The following STC2 variants were observed in gnomAD, a reference collection of about 807,000 sequenced individuals.
STC2 encodes the protein stanniocalcin 2, also known as stanniocalcin-2.
A neutral mutation model predicts 22.7 loss-of-function variants in STC2; 7 were observed. The observed-to-expected ratio is 0.31, with a 90% CI of 0.18 to 0.58. The LOEUF is 0.58. Among genes scored for constraint, STC2 ranks in the 20% least tolerant of loss-of-function variants. The pLI is 0.89. For synonymous variants in STC2, 158 were observed against 163.4 expected, an observed-to-expected ratio of 0.97 and a Z score of 0.25; for missense variants, 336 against 406.2, an observed-to-expected ratio of 0.83 and a Z score of 1.48.
In STC2 at chr5:173,318,321, C is replaced by T. The variant is rs1012171902; in HGVS notation, c.507-72G>A. The T allele has an allele frequency of 9.8e-6, 13 of 1,326,592 alleles. No individual in the cohort carries two copies. The African/African-American group carries it at 1.1e-4, about 11-fold the overall frequency. The allele number at this position is 1,326,592 out of a possible 1,614,324, so 82.2% of individuals were successfully genotyped here. A position where few individuals can be genotyped will look rare whatever the true frequency, so the allele number is the denominator to read the frequency against. ...GAGAGGCTGGGAATGGAGCAAGTCC[C>T]GAATGGACCACAGAGGGCAGGGGCA... is the stretch of plus-strand genomic sequence containing the variant. On this transcript the variant is annotated intron_variant, in intron 3 of 3. Coordinates refer to ENST00000265087, the MANE Select transcript of STC2 (RefSeq NM_003714.3).
chr5:173,324,134 C>T (rs1762518742), intron 2 of STC2: 1 of 152,704 alleles, frequency 6.5e-6, no homozygotes, highest in Non-Finnish European at 1.5e-5. Context: ...CACTGGCGGC[C>T]CCTCCCCCAC....
Position 173,321,390 on chromosome 5 carries a change from G to A in STC2, c.506+1829C>T, listed in dbSNP as rs537418875. Among the ~76,000 whole-genome samples, 7 of 152,328 alleles carry A rather than the reference G, an allele frequency of 4.6e-5. No homozygotes were observed. The East Asian group carries it at 9.6e-4, about 21-fold the overall frequency. On this transcript the variant is annotated intron_variant, in intron 3 of 3. Coordinates refer to ENST00000265087, the MANE Select transcript of STC2 (RefSeq NM_003714.3). ...GGCCAGCAAACTCTCTCTAATGGGG[G>A]ACAGGGCTAGAGGCGAGTGAAGCTC...
At chr5:173,327,894 G>A (rs555619466) in intron 1 of STC2, 149 bp downstream of exon 1, 3 of 1,049,294 alleles carry the variant, frequency 2.9e-6, no homozygotes, top group Non-Finnish European at 3.8e-6. Context: ...GCCTTGCCTC[G>A]CGCTTCCCTT....
chr5:173,323,379 G>A lies in STC2; in HGVS notation c.346C>T (p.His116Tyr), dbSNP rs779357671. 6.2e-7 allele frequency: 1 copy of A among 1,612,512 alleles called. No homozygotes were observed. ...TTCCGGCTTATGCAGCCGAACCTGT[G>A]CCGCAGAGCGTGGGCCTTACATTTC... ...ALKCKAHALR[H>Y]RFGCISRKCP... Residue 116 changes from histidine to tyrosine, a missense_variant, in exon 3 of 4, where the codon CAC becomes TAC. This residue lies in a region of STC2 where 22 missense variants were observed against 52.0 expected (regional missense o/e 0.42). Transcript: ENST00000265087. This position sits in a 1 kb window ranked among gnomAD's most constrained non-coding sequence, Gnocchi z 5.4.
chr5:173,318,266 A>C lies in STC2; in HGVS notation c.507-17T>G. ...ACGTAGGGTCTAAAGATTGAAAGCA[A>C]AGAGAGAGAGAGAGAGAGAGAGAGA... On this transcript the variant is annotated splice_polypyrimidine_tract_variant and intron_variant, in intron 3 of 3. Transcript: ENST00000265087. The C allele has an allele frequency of 1.6e-6, 2 of 1,234,376 alleles. No homozygotes were observed. The allele number at this position is 1,234,376 out of a possible 1,614,324, so 76.5% of individuals were successfully genotyped here. A position where few individuals can be genotyped will look rare whatever the true frequency, so the allele number is the denominator to read the frequency against.
At position 173,317,577 on chromosome 5, in the gene STC2, T is replaced by C. The variant is rs1054483286; in HGVS notation, c.*270A>G. ...GGCCGACACCCACTGACTCCACAGATGGAAAGAAGACAAAGGTACGAGGAT... is the reference window on the plus strand; with the variant it reads ...GGCCGACACCCACTGACTCCACAGACGGAAAGAAGACAAAGGTACGAGGAT... On this transcript the variant is annotated 3_prime_UTR_variant, in exon 4 of 4. Transcript: ENST00000265087. 5 of 267,882 alleles carry C rather than the reference T, an allele frequency of 1.9e-5. No individual in the cohort carries two copies. The highest frequency in any genetic ancestry group is 1.0e-3 in the Middle Eastern group (1 of 966). 16.6% of individuals were successfully genotyped at this position (267,882 alleles called of 1,614,324 possible).
At position 173,323,431 on chromosome 5, in the gene STC2, C is replaced by T. The variant is rs1401303990; in HGVS notation, c.295-1G>A. On this transcript the variant is annotated splice_acceptor_variant, in intron 2 of 3. Coordinates refer to ENST00000265087, the MANE Select transcript of STC2 (RefSeq NM_003714.3). LOFTEE classifies it high-confidence loss of function. The surrounding 1 kb of genome is among the most constrained non-coding windows in gnomAD (Gnocchi z 5.4). ...AGGCGTCTTTGATGAATGACTTGCC[C>T]TGAGAACACACAGGCCGGGGAAGGG... 2 of 1,607,786 alleles carry T rather than the reference C, an allele frequency of 1.2e-6. No homozygotes were observed.
intron 3 of STC2, among the ~76,000 whole-genome samples, chr5:173,320,232 T>TCTC (rs1762467961): frequency 6.6e-6 from 1 of 151,862 alleles, no homozygotes; most frequent in African/African-American, 2.4e-5. Context: ...GCAGACTGTC[T>TCTC]TTCGCCTTCC....
rs1179576917 is a variant in STC2, at chr5:173,325,303, G to T, written c.294+565C>A. Among the ~76,000 whole-genome samples the T allele has an allele frequency of 3.9e-5, 6 of 152,182 alleles. No homozygotes were observed. Among genetic ancestry groups the T allele is most frequent in the East Asian group, 3.9e-4 (2 of 5,186 alleles). ...TTCCCCTTGGGACCCTGGGATAACC[G>T]AAGTGGGTCAGGCCCTGACTATATT... On this transcript the variant is annotated intron_variant, in intron 2 of 3. Transcript: ENST00000265087. This position sits in a 1 kb window ranked among gnomAD's most constrained non-coding sequence, Gnocchi z 4.7.
chr5:173,323,506 C>T lies in STC2; in HGVS notation c.295-76G>A, dbSNP rs1762510964. ...CTCGTTACATGCTTGGACATTTCAG[C>T]CCTTCTTGGGCTTACACAGGATATT... On this transcript the variant is annotated intron_variant, in intron 2 of 3. Transcript: ENST00000265087. This position sits in a 1 kb window ranked among gnomAD's most constrained non-coding sequence, Gnocchi z 5.4. 17 of 1,386,562 alleles carry T rather than the reference C, an allele frequency of 1.2e-5. No individual in the cohort carries two copies. The highest frequency in any genetic ancestry group is 1.7e-5 in the Non-Finnish European group (17 of 1,006,576). The allele number at this position is 1,386,562 out of a possible 1,614,324, so 85.9% of individuals were successfully genotyped here. A position where few individuals can be genotyped will look rare whatever the true frequency, so the allele number is the denominator to read the frequency against.
chr5:173,324,320 T>C (rs1762520271), intron 2 of STC2: 1 of 152,318 alleles, frequency 6.6e-6, no homozygotes, highest in Admixed American at 6.5e-5. Context: ...CATTGTGGGA[T>C]GCCTACCCGG....
In STC2 at chr5:173,316,005, G is replaced by C. The variant is rs929780868; in HGVS notation, c.*1842C>G. The C allele has an allele frequency of 6.6e-6, 1 of 152,240 alleles. No homozygotes were observed. The highest frequency in any genetic ancestry group is 1.5e-5 in the Non-Finnish European group (1 of 68,068). The allele number at this position is 152,240 out of a possible 1,614,324, so 9.4% of individuals were successfully genotyped here. A position where few individuals can be genotyped will look rare whatever the true frequency, so the allele number is the denominator to read the frequency against. Reference sequence around the variant, plus strand: ...AATACTAGCTGTGTTTTGGTTGAAGGCATTCCCCAGGAACAAGTCATTTTA... The same window carrying C: ...AATACTAGCTGTGTTTTGGTTGAAGCCATTCCCCAGGAACAAGTCATTTTA... On this transcript the variant is annotated 3_prime_UTR_variant, in exon 4 of 4. Transcript: ENST00000265087.
At chr5:173,319,629 T>G (rs113303882) in intron 3 of STC2, among the ~76,000 whole-genome samples, 1 of 152,266 alleles carries the variant, frequency 6.6e-6, no homozygotes, top group South Asian at 2.1e-4. Context: ...AGTAGTTTAC[T>G]GCCTTTTTAT....
chr5:173,315,270 A>G lies in STC2; in HGVS notation c.*2577T>C, dbSNP rs548792313. ...TTAGATTGTGCAAATGTCTCAATCA[A>G]TGCTTGCAGGAATGTGGACCTTCCT... On this transcript the variant is annotated 3_prime_UTR_variant, in exon 4 of 4. Transcript: ENST00000265087. 1 of 152,338 alleles carries G rather than the reference A, an allele frequency of 6.6e-6. No homozygotes were observed. Among genetic ancestry groups the G allele is most frequent in the Non-Finnish European group, 1.5e-5 (1 of 68,040 alleles). The allele number at this position is 152,338 out of a possible 1,614,324, so 9.4% of individuals were successfully genotyped here. A position where few individuals can be genotyped will look rare whatever the true frequency, so the allele number is the denominator to read the frequency against.
Position 173,323,496 on chromosome 5 carries a change from G to A in STC2, c.295-66C>T. 1.4e-6 allele frequency: 2 copies of A among 1,439,696 alleles called. No individual in the cohort carries two copies. Among genetic ancestry groups the A allele is most frequent in the Non-Finnish European group, 1.9e-6 (2 of 1,050,674 alleles). The allele number at this position is 1,439,696 out of a possible 1,614,324, so 89.2% of individuals were successfully genotyped here. A position where few individuals can be genotyped will look rare whatever the true frequency, so the allele number is the denominator to read the frequency against. On this transcript the variant is annotated intron_variant, in intron 2 of 3. Coordinates refer to ENST00000265087, the MANE Select transcript of STC2 (RefSeq NM_003714.3). This position sits in a 1 kb window ranked among gnomAD's most constrained non-coding sequence, Gnocchi z 5.4. ...AGCAGAAGACCTCGTTACATGCTTG[G>A]ACATTTCAGCCCTTCTTGGGCTTAC...
At position 173,317,938 on chromosome 5, in the gene STC2, C is replaced by A. The variant is rs371249080; in HGVS notation, c.818G>T (p.Arg273Leu). The A allele has an allele frequency of 5.0e-6, 8 of 1,613,264 alleles. No homozygotes were observed. Among genetic ancestry groups the A allele is most frequent in the Non-Finnish European group, 6.8e-6 (8 of 1,179,838 alleles). The change falls in exon 4 of 4, where the codon CGA (arginine) becomes CTA (leucine). Residue 273 changes from arginine to leucine, a missense_variant. Around this residue, in one of 3 missense-constraint regions of STC2, gnomAD observed 215 missense variants for 231.5 expected, o/e 0.93. Coordinates refer to ENST00000265087, the MANE Select transcript of STC2 (RefSeq NM_003714.3). ...AGCCCCAAGGCCCCCGACTCTGCCTCGGGCATGGGCGTTTGGGTGGCTCTT... is the reference window on the plus strand; with the variant it reads ...AGCCCCAAGGCCCCCGACTCTGCCTAGGGCATGGGCGTTTGGGTGGCTCTT... ...GSKSHPNAHA[R>L]GRVGGLGAQG...
chr5:173,318,274 G>C, intron 3 of STC2, 25 bp from the exon 4 acceptor site: 2 of 1,237,616 alleles, frequency 1.6e-6, no homozygotes, highest in Non-Finnish European at 2.1e-6. Flanking sequence ...CAAAGAGAGA[G>C]AGAGAGAGAG....
intron 1 of STC2, chr5:173,326,637 T>G (rs548932431): frequency 6.6e-6 from 1 of 152,164 alleles, no homozygotes; most frequent in Non-Finnish European, 1.5e-5. Flanking sequence ...TGGAGTCAGC[T>G]GGGGGCGAGC....
At chr5:173,327,590 G>T (rs761823846) in intron 1 of STC2, among the ~76,000 whole-genome samples, 105 of 152,386 alleles carry the variant, frequency 6.9e-4, no homozygotes, top group Non-Finnish European at 1.3e-3. Context: ...CATCTTTTGA[G>T]GAGGGGGAAG....
Sources: allele counts gnomAD v4.1 joint callset (sites outside exome capture counted in the v4.1 genomes callset), GRCh38; gene constraint gnomAD v4.1.1; regional missense constraint gnomAD v4.1.1; non-coding constraint Gnocchi (gnomAD v3.1); transcripts MANE v1.5; gene names NCBI Gene and HGNC (gene_info 2026-07-23, HGNC 2026-07-21).